The following CA10 variants were observed in gnomAD, a reference collection of about 807,000 sequenced individuals.
CA10 encodes the protein carbonic anhydrase 10 (inactive), also known as carbonic anhydrase-related protein 10.
In CA10, 14 loss-of-function variants were observed where a neutral mutation model predicts 44.2. The observed-to-expected ratio is 0.32, with a 90% CI of 0.21 to 0.50. The LOEUF (loss-of-function observed/expected upper bound fraction) is 0.50. Ranked by LOEUF, CA10 falls within the 20% of genes least tolerant of loss-of-function variation. The pLI is 0.99. For missense variants in CA10, 350 were observed against 409.7 expected, an observed-to-expected ratio of 0.85 and a Z score of 1.26; for synonymous variants, 159 against 141.6, an observed-to-expected ratio of 1.12 and a Z score of -0.87.
rs534791094 is a variant in CA10 at position 52,085,549 on chromosome 17, T to C, written c.62-13156A>G. On this transcript the variant is annotated intron_variant, in intron 1 of 8. Transcript: ENST00000451037. The stretch of plus-strand genomic sequence containing the variant: ...TTGGTTACACGATAATGTGCAAGTG[T>C]TCCAATGAAACTTTCAACAAACTGT... Among the ~76,000 whole-genome samples the C allele has an allele frequency of 2.0e-5, 3 of 152,220 alleles. No individual in the cohort carries two copies. The South Asian group carries it at 6.2e-4, about 32-fold the overall frequency.
chr17:51,974,534 A>G (rs779126787), intron 2 of CA10, among the ~76,000 whole-genome samples: 3 of 152,072 alleles, frequency 2.0e-5, no homozygotes, highest in Admixed American at 6.6e-5. Flanking sequence ...AAAAAGAAAG[A>G]AAAGAGCTTC....
At chr17:51,796,040 T>C (rs1317687734) in intron 3 of CA10, among the ~76,000 whole-genome samples, 1 of 152,204 alleles carries the variant, frequency 6.6e-6, no homozygotes, top group African/African-American at 2.4e-5. Context: ...AGGTTTCTAG[T>C]AAATAGCAGC....
intron 6 of CA10, among the ~76,000 whole-genome samples, chr17:51,648,807 C>T (rs947511973): frequency 3.9e-5 from 6 of 152,216 alleles, no homozygotes; most frequent in East Asian, 1.9e-4. Flanking sequence ...GTAAATGTTG[C>T]GATTGGATCC....
At chr17:51,916,122 T>C (rs1981987525) in intron 3 of CA10, among the ~76,000 whole-genome samples, 1 of 105,806 alleles carries the variant, frequency 9.5e-6, no homozygotes, top group Admixed American at 1.1e-4. Flanking sequence ...TTCACATTGT[T>C]GCATGCTACG....
At chr17:51,767,068 A>G (rs766287049) in intron 3 of CA10, among the ~76,000 whole-genome samples, 1 of 152,218 alleles carries the variant, frequency 6.6e-6, no homozygotes, top group African/African-American at 2.4e-5. Flanking sequence ...GACTAAATCC[A>G]ACTATTGTGC....
chr17:51,995,861 T>C, intron 2 of CA10, among the ~76,000 whole-genome samples: 1 of 152,004 alleles, frequency 6.6e-6, no homozygotes, highest in South Asian at 2.1e-4. Flanking sequence ...CATTTCTTCT[T>C]CCCCAAGGAG....
chr17:52,027,144 C>A (rs1986326690), intron 2 of CA10, among the ~76,000 whole-genome samples: 1 of 151,992 alleles, frequency 6.6e-6, no homozygotes, highest in South Asian at 2.1e-4. Flanking sequence ...TCATAAGGAG[C>A]ATGCAACCTA....
chr17:51,918,997 G>A (rs371348664), intron 3 of CA10, among the ~76,000 whole-genome samples: 33 of 152,244 alleles, frequency 2.2e-4, no homozygotes, highest in African/African-American at 7.2e-4. Context: ...ATGTTCAACT[G>A]CCTACGCTGC....
intron 2 of CA10, among the ~76,000 whole-genome samples, chr17:52,030,930 A>T (rs952445780): frequency 6.6e-6 from 1 of 152,090 alleles, no homozygotes; most frequent in Non-Finnish European, 1.5e-5. Flanking sequence ...TCTTGGACTG[A>T]GCCACACTAC....
chr17:51,733,204 T>C (rs1916782207), intron 4 of CA10, among the ~76,000 whole-genome samples: 1 of 152,140 alleles, frequency 6.6e-6, no homozygotes, highest in South Asian at 2.1e-4. Flanking sequence ...TTTGTTGAAT[T>C]TTACTAACTT....
Position 51,717,656 on chromosome 17 carries a change from CGT to C in CA10, c.465+29975_465+29976del, listed in dbSNP as rs368301346. 1.9e-3 allele frequency among the ~76,000 whole-genome samples: 48 copies of C among 25,604 alleles called. 3 individuals are homozygous for C. Among genetic ancestry groups the C allele is most frequent in the Non-Finnish European group, 3.1e-3 (37 of 11,838 alleles). 16.8% of individuals were successfully genotyped at this position (25,604 alleles called of 152,430 possible). ...ATATGCATGTATATATACATATATACGTATATATACATGTATATATGTATATA... is the reference window on the plus strand; with the variant it reads ...ATATGCATGTATATATACATATATACATATATACATGTATATATGTATATA... On this transcript the variant is annotated intron_variant, in intron 4 of 8. Coordinates refer to ENST00000451037, the MANE Select transcript of CA10 (RefSeq NM_020178.5).
At chr17:51,756,264 G>A (rs1230525330) in intron 3 of CA10, among the ~76,000 whole-genome samples, 1 of 152,138 alleles carries the variant, frequency 6.6e-6, no homozygotes, top group Non-Finnish European at 1.5e-5. Flanking sequence ...TGCTGCCCAG[G>A]TGAGGAAGGC....
chr17:51,734,722 CCA>C (rs1270715659), intron 4 of CA10, among the ~76,000 whole-genome samples: 4 of 152,162 alleles, frequency 2.6e-5, no homozygotes, highest in African/African-American at 9.7e-5. Context: ...TGGGTTTTCT[CCA>C]CAATTAAGTG....
chr17:51,694,226 C>G (rs1190033000), intron 4 of CA10, among the ~76,000 whole-genome samples: 3 of 151,492 alleles, frequency 2.0e-5, no homozygotes, highest in African/African-American at 7.3e-5. Context: ...AAAAAGAAAT[C>G]TCCAAATTGC....
At chr17:51,958,513 G>A (rs1055603947) in intron 2 of CA10, among the ~76,000 whole-genome samples, 1 of 152,042 alleles carries the variant, frequency 6.6e-6, no homozygotes, top group African/African-American at 2.4e-5. Context: ...GCCTAGGAAG[G>A]GAAACTTAAA....
At chr17:52,033,469 A>T (rs936968992) in intron 2 of CA10, among the ~76,000 whole-genome samples, 1 of 152,106 alleles carries the variant, frequency 6.6e-6, no homozygotes, top group Admixed American at 6.5e-5. Context: ...AAGAACATTC[A>T]TTGCATATTG....
At chr17:51,890,458 T>G (rs1042180317) in intron 3 of CA10, among the ~76,000 whole-genome samples, 2 of 152,244 alleles carry the variant, frequency 1.3e-5, no homozygotes. Context: ...AGCTGAACTT[T>G]AAGACCCTAC....
intron 2 of CA10, among the ~76,000 whole-genome samples, chr17:52,017,755 T>C (rs1384162947): frequency 1.3e-5 from 2 of 152,112 alleles, no homozygotes; most frequent in Non-Finnish European, 2.9e-5. Context: ...GAGCAACCAC[T>C]TGCTAGAGAC....
At chr17:51,758,506 T>C (rs1905133894) in intron 3 of CA10, among the ~76,000 whole-genome samples, 1 of 152,198 alleles carries the variant, frequency 6.6e-6, no homozygotes, top group South Asian at 2.1e-4. Flanking sequence ...ATGGCTGGCA[T>C]TAGGCTGAAC....
Sources: gnomAD v4.1 joint callset for allele counts (sites outside exome capture counted in the v4.1 genomes callset) on GRCh38, gnomAD v4.1.1 for gene constraint, MANE v1.5 for transcripts, NCBI Gene and HGNC (gene_info 2026-07-23, HGNC 2026-07-21) for gene names.